The following CENPP variants were observed in gnomAD, a reference collection of about 807,000 sequenced individuals.
The protein encoded by CENPP is centromere protein P.
Under a neutral mutation model 35.6 loss-of-function variants are expected in CENPP, and 24 were observed. That is an observed-to-expected ratio of 0.67 (90% CI 0.49 to 0.95). CENPP has a LOEUF of 0.95. CENPP is among the 40% of genes least tolerant of loss of function. CENPP has a pLI of 0.00. For synonymous variants in CENPP, 120 were observed against 125.5 expected, an observed-to-expected ratio of 0.96 and a Z score of 0.29; for missense variants, 332 against 345.3, an observed-to-expected ratio of 0.96 and a Z score of 0.31.
chr9:92,542,261 G>A (rs1418604900), intron 5 of CENPP, among the ~76,000 whole-genome samples: 1 of 152,040 alleles, frequency 6.6e-6, no homozygotes, highest in Non-Finnish European at 1.5e-5. Context: ...TTGTTTTCTT[G>A]CTATCAAGTT....
At chr9:92,547,073 T>C (rs1849480911) in intron 5 of CENPP, among the ~76,000 whole-genome samples, 1 of 152,162 alleles carries the variant, frequency 6.6e-6, no homozygotes, top group African/African-American at 2.4e-5. Flanking sequence ...ATAAATAATA[T>C]ATTATGATTA....
intron 5 of CENPP, among the ~76,000 whole-genome samples, chr9:92,467,423 T>C (rs1413619102): frequency 2.6e-5 from 4 of 152,348 alleles, no homozygotes; most frequent in South Asian, 2.1e-4. Flanking sequence ...CATTGCAAAA[T>C]GAGCATAGCT....
chr9:92,590,850 C>T (rs553583343), intron 5 of CENPP, among the ~76,000 whole-genome samples: 45 of 152,308 alleles, frequency 3.0e-4, no homozygotes, highest in African/African-American at 9.9e-4. Context: ...CTGCATGTAT[C>T]AAAGATTTCT....
chr9:92,589,518 C>T (rs1197768465), intron 5 of CENPP, among the ~76,000 whole-genome samples: 1 of 152,014 alleles, frequency 6.6e-6, no homozygotes. Flanking sequence ...AACCCTAACC[C>T]AAGAAAAGAC....
At chr9:92,341,869 T>C (rs780132779) in intron 3 of CENPP, among the ~76,000 whole-genome samples, 11 of 152,240 alleles carry the variant, frequency 7.2e-5, no homozygotes, top group Non-Finnish European at 1.6e-4. Flanking sequence ...GAAAGCATGA[T>C]TGAAAATTTT....
chr9:92,366,885 C>G (rs1042497382), intron 4 of CENPP, among the ~76,000 whole-genome samples: 1 of 152,138 alleles, frequency 6.6e-6, no homozygotes, highest in African/African-American at 2.4e-5. Flanking sequence ...GAAATCCAAA[C>G]TGCTCTAAAA....
At chr9:92,571,232 G>A (rs530510717) in intron 5 of CENPP, among the ~76,000 whole-genome samples, 27 of 151,906 alleles carry the variant, frequency 1.8e-4, no homozygotes, top group East Asian at 9.7e-4. Flanking sequence ...TATAAATTTC[G>A]CTCTACACAC....
At chr9:92,526,029 T>C (rs1259209963) in intron 5 of CENPP, among the ~76,000 whole-genome samples, 1 of 152,168 alleles carries the variant, frequency 6.6e-6, no homozygotes, top group Non-Finnish European at 1.5e-5. Flanking sequence ...ACATGCCTTC[T>C]ATCTATTTAA....
At chr9:92,507,972 T>C (rs1447500768) in intron 5 of CENPP, among the ~76,000 whole-genome samples, 4 of 152,186 alleles carry the variant, frequency 2.6e-5, no homozygotes, top group South Asian at 2.1e-4. Context: ...AATTGTCTCA[T>C]TTATTTGCAT....
chr9:92,498,221 G>A (rs1390391924), intron 5 of CENPP, among the ~76,000 whole-genome samples: 2 of 152,012 alleles, frequency 1.3e-5, no homozygotes, highest in Non-Finnish European at 2.9e-5. Context: ...GCTTTTGTTT[G>A]CAAAAATAAA....
At chr9:92,568,259 C>T (rs1438260787) in intron 5 of CENPP, among the ~76,000 whole-genome samples, 1 of 151,980 alleles carries the variant, frequency 6.6e-6, no homozygotes, top group African/African-American at 2.4e-5. Context: ...CAACAGGCCC[C>T]AGTGTGTGAT....
At chr9:92,471,397 A>G (rs1387553106) in intron 5 of CENPP, among the ~76,000 whole-genome samples, 1 of 151,650 alleles carries the variant, frequency 6.6e-6, no homozygotes, top group African/African-American at 2.4e-5. Flanking sequence ...AGGTTTCCCC[A>G]TGTTGGTCAG....
chr9:92,404,349 G>A (rs1039251305), intron 5 of CENPP: 6 of 363,998 alleles, frequency 1.6e-5, no homozygotes, highest in Admixed American at 5.7e-5. Flanking sequence ...AAATTTATGC[G>A]ATGATATACA....
At chr9:92,562,741 T>C (rs1206769863) in intron 5 of CENPP, among the ~76,000 whole-genome samples, 8 of 152,142 alleles carry the variant, frequency 5.3e-5, no homozygotes, top group Non-Finnish European at 1.0e-4. Flanking sequence ...TGGGGATTCT[T>C]TTCCACTGAT....
chr9:92,482,557 T>G (rs1845947764), intron 5 of CENPP: 1 of 152,184 alleles, frequency 6.6e-6, no homozygotes. Flanking sequence ...CATCACTGTT[T>G]GTATCGTAGC....
At chr9:92,328,788 C>T (rs1265319052) in intron 1 of CENPP, among the ~76,000 whole-genome samples, 1 of 152,196 alleles carries the variant, frequency 6.6e-6, no homozygotes, top group African/African-American at 2.4e-5. Flanking sequence ...TTGAAATACA[C>T]AAATATTTTG....
chr9:92,414,251 G>GTAT (rs1449686420), intron 5 of CENPP: 2 of 183,540 alleles, frequency 1.1e-5, no homozygotes, highest in African/African-American at 4.7e-5. Context: ...AAAGTGTTTA[G>GTAT]TATTATCTTT....
At chr9:92,502,340 G>A (rs1232707365) in intron 5 of CENPP, among the ~76,000 whole-genome samples, 1 of 152,192 alleles carries the variant, frequency 6.6e-6, no homozygotes, top group East Asian at 1.9e-4. Context: ...GAAACTGCAT[G>A]AAGTAGCCCA....
At chr9:92,418,267 A>T (rs889552748) in intron 5 of CENPP, among the ~76,000 whole-genome samples, 2 of 151,646 alleles carry the variant, frequency 1.3e-5, no homozygotes, top group African/African-American at 4.8e-5. Context: ...TTGTATTGTT[A>T]GTAGAGACGG....
Sources: gnomAD v4.1 joint callset for allele counts (sites outside exome capture counted in the v4.1 genomes callset) on GRCh38, gnomAD v4.1.1 for gene constraint, MANE v1.5 for transcripts, NCBI Gene and HGNC (gene_info 2026-07-23, HGNC 2026-07-21) for gene names.